Variants in NEMP2 observed in about 807,000 individuals in gnomAD.
NEMP2 encodes nuclear envelope integral membrane protein 2.
In NEMP2, 53 loss-of-function variants were observed where a neutral mutation model predicts 54.2. That is an observed-to-expected ratio of 0.98 (90% confidence interval 0.78 to 1.23). The LOEUF (loss-of-function observed/expected upper bound fraction) is 1.23. Ranked by LOEUF, NEMP2 falls within the 50% of genes most tolerant of loss-of-function variation. The pLI, the probability that NEMP2 is intolerant of heterozygous loss-of-function variation, is 0.00. For missense variants in NEMP2, 455 were observed against 511.3 expected (o/e 0.89, Z 1.06); for synonymous variants, 197 against 190.3 (o/e 1.04, Z -0.29).
the NEMP2 span, among the ~76,000 whole-genome samples, chr2:190,541,143 A>T: frequency 2.0e-5 from 3 of 150,478 alleles, no homozygotes; most frequent in East Asian, 5.9e-4. The surrounding 1 kb of genome is among the most constrained non-coding windows in gnomAD (Gnocchi z 5.2). Flanking sequence ...TGTCGATTTT[A>T]TCTTTTCAAA....
At chr2:190,446,684 T>C in the NEMP2 span, among the ~76,000 whole-genome samples, 269 of 152,248 alleles carry the variant, frequency 1.8e-3, 4 homozygotes, top group South Asian at 0.021. Context: ...TGGCCAGAGA[T>C]AGGGAATCTA....
the NEMP2 span, among the ~76,000 whole-genome samples, chr2:190,575,396 A>AC: frequency 1.3e-5 from 2 of 151,850 alleles, no homozygotes; most frequent in East Asian, 1.9e-4. Context: ...TTAAAAAAAA[A>AC]GTGTGTTCTT....
the NEMP2 span, chr2:190,610,864 CT>C: frequency 1.3e-5 from 2 of 152,180 alleles, no homozygotes; most frequent in Non-Finnish European, 2.9e-5. The surrounding 1 kb of genome is among the most constrained non-coding windows in gnomAD (Gnocchi z 5.4). Context: ...AAAAAGATCA[CT>C]TCAGTCTCCT....
At position 190,512,161 on chromosome 2, in the gene NEMP2, A is replaced by G. The variant is rs1016530420; in HGVS notation, c.954-1624T>C. Reference sequence around the variant, plus strand: ...ATGCTAAGCCAGAAGACCTGGACATAGTCCTGGCTTTGAGATTTATTCACT... The same window carrying G: ...ATGCTAAGCCAGAAGACCTGGACATGGTCCTGGCTTTGAGATTTATTCACT... On this transcript the variant is annotated intron_variant, in intron 7 of 8. Transcript: ENST00000409150. The surrounding 1 kb of genome is among the most constrained non-coding windows in gnomAD (Gnocchi z 4.5). 6.6e-6 allele frequency among the ~76,000 whole-genome samples: 1 copy of G among 152,168 alleles called. No individual in the cohort carries two copies. Among genetic ancestry groups the G allele is most frequent in the African/African-American group, 2.4e-5 (1 of 41,450 alleles).
At chr2:190,484,507 T>C in the NEMP2 span, among the ~76,000 whole-genome samples, 32 of 152,218 alleles carry the variant, frequency 2.1e-4, no homozygotes, top group Non-Finnish European at 4.6e-4. Context: ...TCCTAAATCT[T>C]GTCTTACAAA....
chr2:190,516,206 A>C, intron 6 of NEMP2, 64 bp downstream of exon 6: 4 of 1,088,408 alleles, frequency 3.7e-6, no homozygotes, highest in Non-Finnish European at 5.2e-6. Flanking sequence ...TATCAAAAGA[A>C]GGCCTCTAGT....
chr2:190,624,406 A>C, the NEMP2 span: 1 of 152,220 alleles, frequency 6.6e-6, no homozygotes, highest in African/African-American at 2.4e-5. Flanking sequence ...AAAATTATAA[A>C]TAGAGCTGCC....
chr2:190,607,464 A>AT, the NEMP2 span, among the ~76,000 whole-genome samples: 1,019 of 151,552 alleles, frequency 6.7e-3, 14 homozygotes, highest in African/African-American at 0.023. The surrounding 1 kb of genome is among the most constrained non-coding windows in gnomAD (Gnocchi z 5.2). Context: ...CTGAAGCATC[A>AT]TTTTTTTTTA....
At chr2:190,488,623 C>T in the NEMP2 span, 2 of 1,413,096 alleles carry the variant, frequency 1.4e-6, no homozygotes, top group Non-Finnish European at 1.9e-6. The surrounding 1 kb of genome is among the most constrained non-coding windows in gnomAD (Gnocchi z 6.4). Flanking sequence ...GAAATGCTAA[C>T]CAACTAATCC....
the NEMP2 span, among the ~76,000 whole-genome samples, chr2:190,637,214 T>A: frequency 6.6e-6 from 1 of 152,362 alleles, no homozygotes; most frequent in East Asian, 1.9e-4. This position sits in a 1 kb window ranked among gnomAD's most constrained non-coding sequence, Gnocchi z 4.5. Context: ...AGTTCAATGA[T>A]TACAAAGTGA....
At chr2:190,580,311 T>TA in the NEMP2 span, among the ~76,000 whole-genome samples, 1 of 152,208 alleles carries the variant, frequency 6.6e-6, no homozygotes, top group Admixed American at 6.5e-5. This position sits in a 1 kb window ranked among gnomAD's most constrained non-coding sequence, Gnocchi z 5.3. Flanking sequence ...TGATGCCATC[T>TA]AAAAACCATC....
chr2:190,516,815 G>C (rs1171834319), intron 5 of NEMP2, among the ~76,000 whole-genome samples: 3 of 152,126 alleles, frequency 2.0e-5, no homozygotes, highest in African/African-American at 7.2e-5. Context: ...GTGTAGCCGG[G>C]CACGGTGGCT....
chr2:190,526,617 T>A (rs1306071854), intron 1 of NEMP2, among the ~76,000 whole-genome samples: 2 of 152,168 alleles, frequency 1.3e-5, no homozygotes, highest in East Asian at 3.8e-4. Flanking sequence ...CTTTACAGAT[T>A]CATTTTATCA....
At chr2:190,572,096 A>T in the NEMP2 span, among the ~76,000 whole-genome samples, 1 of 152,226 alleles carries the variant, frequency 6.6e-6, no homozygotes, top group African/African-American at 2.4e-5. Context: ...GGTTTTTTTT[A>T]AAGTTTCCTC....
chr2:190,480,175 A>G, the NEMP2 span, among the ~76,000 whole-genome samples: 1 of 152,170 alleles, frequency 6.6e-6, no homozygotes, highest in African/African-American at 2.4e-5. Flanking sequence ...AACAACAACA[A>G]ACAAACAAAG....
the NEMP2 span, among the ~76,000 whole-genome samples, chr2:190,600,954 C>T: frequency 1.3e-5 from 2 of 152,242 alleles, no homozygotes; most frequent in East Asian, 1.9e-4. The surrounding 1 kb of genome is among the most constrained non-coding windows in gnomAD (Gnocchi z 4.9). Context: ...GTGCTAGTAC[C>T]TTCCTGAGAA....
chr2:190,567,401 T>A, the NEMP2 span, among the ~76,000 whole-genome samples: 1 of 151,924 alleles, frequency 6.6e-6, no homozygotes, highest in African/African-American at 2.4e-5. This position sits in a 1 kb window ranked among gnomAD's most constrained non-coding sequence, Gnocchi z 4.0. Flanking sequence ...CTGAAGGCTA[T>A]GTCTAAAAAT....
intron 2 of NEMP2, among the ~76,000 whole-genome samples, chr2:190,524,124 G>A (rs1308435588): frequency 6.6e-6 from 1 of 151,928 alleles, no homozygotes; most frequent in Non-Finnish European, 1.5e-5. Flanking sequence ...GGCTGAGGTG[G>A]GAGAATCACC....
the NEMP2 span, among the ~76,000 whole-genome samples, chr2:190,580,142 G>A: frequency 5.4e-4 from 82 of 152,186 alleles, no homozygotes; most frequent in Non-Finnish European, 7.9e-4. The surrounding 1 kb of genome is among the most constrained non-coding windows in gnomAD (Gnocchi z 5.3). Flanking sequence ...CTGATGATGC[G>A]TGTCCACAGG....
Sources: allele counts gnomAD v4.1 joint callset (sites outside exome capture counted in the v4.1 genomes callset), GRCh38; gene constraint gnomAD v4.1.1; non-coding constraint Gnocchi (gnomAD v3.1); transcripts MANE v1.5; gene names NCBI Gene and HGNC (gene_info 2026-07-23, HGNC 2026-07-21).